The following ARSG variants were observed in gnomAD, a reference collection of about 807,000 sequenced individuals.
ARSG encodes the protein ASG.
ARSG carries 37 observed loss-of-function variants against 50.5 expected under a neutral mutation model. The observed-to-expected ratio is 0.73, with a 90% CI of 0.56 to 0.96. The LOEUF (loss-of-function observed/expected upper bound fraction) is 0.96. ARSG is among the 50% of genes least tolerant of loss of function. The pLI is 0.00. For synonymous variants in ARSG, 225 were observed against 254.6 expected, an observed-to-expected ratio of 0.88 and a Z score of 1.11; for missense variants, 629 against 675.3, an observed-to-expected ratio of 0.93 and a Z score of 0.76.
At chr17:68,392,800 G>A (rs887549783) in intron 9 of ARSG, among the ~76,000 whole-genome samples, 3 of 152,084 alleles carry the variant, frequency 2.0e-5, no homozygotes, top group Non-Finnish European at 2.9e-5. Flanking sequence ...GCACCTGGCC[G>A]CATTCACTAC....
intron 6 of ARSG, among the ~76,000 whole-genome samples, chr17:68,366,613 C>T (rs947630800): frequency 7.2e-5 from 11 of 152,008 alleles, no homozygotes; most frequent in African/African-American, 2.7e-4. Context: ...CTGCACTGTC[C>T]AAGCTGCTAG....
At chr17:68,430,373 A>G in the ARSG span, among the ~76,000 whole-genome samples, 1 of 152,220 alleles carries the variant, frequency 6.6e-6, no homozygotes, top group Non-Finnish European at 1.5e-5. Context: ...CAGAAGAGCC[A>G]TTGTAAAGCT....
chr17:68,434,551 C>T, the ARSG span: 5 of 1,613,726 alleles, frequency 3.1e-6, no homozygotes, highest in Admixed American at 8.3e-5. Context: ...ACATTGAACA[C>T]AGACCTTTTC....
At chr17:68,389,239 C>G (rs1055229429) in intron 9 of ARSG, among the ~76,000 whole-genome samples, 1 of 152,198 alleles carries the variant, frequency 6.6e-6, no homozygotes, top group Non-Finnish European at 1.5e-5. Flanking sequence ...CCCCCACCCC[C>G]ACTCTTGGCA....
intron 2 of ARSG, among the ~76,000 whole-genome samples, chr17:68,318,424 T>A (rs886781528): frequency 6.6e-6 from 1 of 152,220 alleles, no homozygotes; most frequent in South Asian, 2.1e-4. Flanking sequence ...TGCATATGAC[T>A]CCTGGCTGGG....
At chr17:68,354,756 C>T (rs529659611) in intron 5 of ARSG, among the ~76,000 whole-genome samples, 16 of 152,122 alleles carry the variant, frequency 1.1e-4, no homozygotes, top group African/African-American at 3.9e-4. Flanking sequence ...TGGTGGCACA[C>T]ACCTATAGTC....
chr17:68,324,805 C>G (rs1555771817), intron 2 of ARSG, among the ~76,000 whole-genome samples: 1 of 152,182 alleles, frequency 6.6e-6, no homozygotes, highest in East Asian at 1.9e-4. Flanking sequence ...ATTTTTGTTA[C>G]TATAAGACAA....
chr17:68,375,374 G>A (rs796117888), intron 8 of ARSG, among the ~76,000 whole-genome samples: 54 of 152,276 alleles, frequency 3.5e-4, no homozygotes, highest in Middle Eastern at 3.4e-3. Flanking sequence ...ATTGTTAACA[G>A]TACAAATTTT....
intron 11 of ARSG, among the ~76,000 whole-genome samples, chr17:68,407,368 T>C (rs373538353): frequency 6.6e-6 from 1 of 151,896 alleles, no homozygotes; most frequent in Admixed American, 6.6e-5. Flanking sequence ...TTTTTGTTTT[T>C]GTATGAATTT....
intron 1 of ARSG, chr17:68,269,004 G>C: frequency 6.4e-7 from 1 of 1,564,498 alleles, no homozygotes; most frequent in Non-Finnish European, 8.6e-7. Flanking sequence ...AAGTGGAGTA[G>C]AGGGGTTAGC....
intron 1 of ARSG, among the ~76,000 whole-genome samples, chr17:68,283,711 C>G (rs1555753585): frequency 6.8e-6 from 1 of 147,756 alleles, no homozygotes; most frequent in African/African-American, 2.5e-5. Context: ...CCTGTCTCTA[C>G]TAAAAAAAAA....
chr17:68,433,389 A>T, the ARSG span: 1 of 1,266,626 alleles, frequency 7.9e-7, no homozygotes, highest in Non-Finnish European at 1.1e-6. Context: ...GAAAGAAAAG[A>T]GATCATTCAT....
At chr17:68,346,867 G>A in intron 3 of ARSG, 3 of 1,420,980 alleles carry the variant, frequency 2.1e-6, no homozygotes, top group Non-Finnish European at 2.8e-6. Context: ...GGCTTCTCCG[G>A]GCTCCTGGTG....
intron 6 of ARSG, 109 bp downstream of exon 6, chr17:68,356,913 TG>T: frequency 7.2e-7 from 1 of 1,396,224 alleles, no homozygotes; most frequent in East Asian, 2.3e-5. Flanking sequence ...AGAGTTTTGC[TG>T]CTCAGCAGAG....
chr17:68,264,105 G>T lies in ARSG; in HGVS notation c.-552+4679G>T, dbSNP rs2075115755. Among the ~76,000 whole-genome samples, 3 of 152,198 alleles carry T rather than the reference G, an allele frequency of 2.0e-5. No homozygotes were observed. The South Asian group carries it at 6.2e-4, about 32-fold the overall frequency. ...ACTCCTGACCTCAAGTGAGCCACCC[G>T]CCTCGGCTTCTCAAAGTGCTGGGTG... On this transcript the variant is annotated intron_variant, in intron 1 of 11. Coordinates refer to the ARSG transcript ENST00000448504.
At chr17:68,328,257 C>A (rs544826482) in intron 2 of ARSG, among the ~76,000 whole-genome samples, 4 of 151,948 alleles carry the variant, frequency 2.6e-5, no homozygotes, top group Admixed American at 1.3e-4. Flanking sequence ...ATGTTGCCTG[C>A]CATGAATTTT....
At chr17:68,434,471 C>G in the ARSG span, 1 of 1,445,242 alleles carries the variant, frequency 6.9e-7, no homozygotes, top group Non-Finnish European at 9.5e-7. Context: ...CAGAGCCACT[C>G]TCTGTCCTCT....
intron 2 of ARSG, among the ~76,000 whole-genome samples, chr17:68,327,424 C>A (rs1250881764): frequency 6.6e-6 from 1 of 152,126 alleles, no homozygotes; most frequent in Non-Finnish European, 1.5e-5. Context: ...AGGAGAAGTT[C>A]CTTCCTTTCC....
intron 9 of ARSG, 30 bp downstream of exon 9, chr17:68,385,202 G>A (rs2080648968): frequency 6.3e-7 from 1 of 1,598,630 alleles, no homozygotes; most frequent in African/African-American, 1.3e-5. Flanking sequence ...TTGAGATGTT[G>A]GGGCCCAGAG....
Sources: allele counts gnomAD v4.1 joint callset (sites outside exome capture counted in the v4.1 genomes callset), GRCh38; gene constraint gnomAD v4.1.1; transcripts MANE v1.5; gene names NCBI Gene and HGNC (gene_info 2026-07-23, HGNC 2026-07-21).